The following GAS6 variants were observed in gnomAD, a reference collection of about 807,000 sequenced individuals.
GAS6 encodes the protein growth arrest-specific protein 6.
Under a neutral mutation model 75.8 loss-of-function variants are expected in GAS6, and 41 were observed. The observed-to-expected ratio is 0.54, with a 90% CI of 0.42 to 0.70. GAS6 has a LOEUF of 0.70. GAS6 is among the 30% of genes least tolerant of loss of function. The pLI, the probability that GAS6 is intolerant of heterozygous loss-of-function variation, is 0.00. For missense variants in GAS6, 854 were observed against 940.2 expected (o/e 0.91, Z 1.20); for synonymous variants, 432 against 412.6 (o/e 1.05, Z -0.57).
chr13:113,863,210 C>A lies in GAS6; in HGVS notation c.255+365G>T, dbSNP rs2051986956. 6.6e-6 allele frequency among the ~76,000 whole-genome samples: 1 copy of A among 152,192 alleles called. No homozygotes were observed. Among genetic ancestry groups the A allele is most frequent in the South Asian group, 2.1e-4 (1 of 4,828 alleles). Reference sequence around the variant, plus strand: ...CTGCTCTCCACCCCTCTCAGGAGGACGAGGCGCGGCCCGGGGGTTCCTCAC... The same window carrying A: ...CTGCTCTCCACCCCTCTCAGGAGGAAGAGGCGCGGCCCGGGGGTTCCTCAC... On this transcript the variant is annotated intron_variant, in intron 2 of 14. Transcript: ENST00000327773. This position sits in a 1 kb window ranked among gnomAD's most constrained non-coding sequence, Gnocchi z 9.4.
chr13:113,859,475 T>A (rs2051952540), intron 2 of GAS6, among the ~76,000 whole-genome samples: 1 of 152,156 alleles, frequency 6.6e-6, no homozygotes, highest in South Asian at 2.1e-4. Flanking sequence ...TATGTGAATG[T>A]GTGCATGTAT....
At chr13:113,824,395 G>A (rs1182518084) in intron 12 of GAS6, among the ~76,000 whole-genome samples, 2 of 143,358 alleles carry the variant, frequency 1.4e-5, no homozygotes, top group African/African-American at 5.3e-5. Context: ...CGCGGTCTGG[G>A]GTCTGAGCTG....
rs1025297204 is a variant in GAS6 at position 113,858,927 on chromosome 13, A to G, written c.255+4648T>C. Among the ~76,000 whole-genome samples the G allele has an allele frequency of 1.8e-4, 26 of 144,522 alleles. 1 individual carries two copies. The highest frequency in any genetic ancestry group is 4.4e-4 in the South Asian group (2 of 4,512). The allele number at this position is 144,522 out of a possible 152,430, so 94.8% of individuals were successfully genotyped here. A position where few individuals can be genotyped will look rare whatever the true frequency, so the allele number is the denominator to read the frequency against. ...CATGTATGTGTACATGTCTGTTAGT[A>G]TGTGTGTGCGTGTCATGCATGTGTG... is the stretch of plus-strand genomic sequence containing the variant. On this transcript the variant is annotated intron_variant, in intron 2 of 14. Coordinates refer to ENST00000327773, the MANE Select transcript of GAS6 (RefSeq NM_000820.4).
intron 5 of GAS6, chr13:113,839,094 C>T: frequency 6.2e-6 from 1 of 161,058 alleles, no homozygotes; most frequent in Non-Finnish European, 1.4e-5. Flanking sequence ...GAGGAGGCTG[C>T]AGGCCAGGAG....
chr13:113,823,225 C>T (rs1375327647), intron 13 of GAS6, 150 bp downstream of exon 13: 16 of 848,138 alleles, frequency 1.9e-5, no homozygotes, highest in Admixed American at 3.3e-5. Context: ...GCGTGGCCCA[C>T]GCCGGGCTTG....
Position 113,820,826 on chromosome 13 carries a change from G to C in GAS6, c.*38C>G. 1 of 1,595,904 alleles carries C rather than the reference G, an allele frequency of 6.3e-7. No individual in the cohort carries two copies. Among genetic ancestry groups the C allele is most frequent in the Non-Finnish European group, 8.5e-7 (1 of 1,174,286 alleles). On this transcript the variant is annotated 3_prime_UTR_variant, in exon 15 of 15. Transcript: ENST00000327773. The stretch of plus-strand genomic sequence containing the variant: ...CCCCCAGGCTCCTCCCGGCTGTCTC[G>C]GACAGAGACTGAGAAGCCTGCCGCG...
intron 2 of GAS6, among the ~76,000 whole-genome samples, chr13:113,862,385 C>G (rs2051978822): frequency 6.6e-6 from 1 of 152,226 alleles, no homozygotes; most frequent in Non-Finnish European, 1.5e-5. Context: ...GCCACACGAC[C>G]AACCCCACAG....
rs199802250 is a variant in GAS6, at chr13:113,838,099, C to G, written c.559G>C (p.Glu187Gln). ...SFHCSCHSGFELSSDGRTCQD... is the reference protein window; with the variant it reads ...SFHCSCHSGFQLSSDGRTCQD... ...CAGGTCCTGCCATCAGAGGAGAGCT[C>G]GAAGCCGCTGTGGCAGGAACAGTGG... is the stretch of plus-strand genomic sequence containing the variant. Residue 187 changes from glutamate to glutamine, a missense_variant, in exon 6 of 15, where the codon GAG becomes CAG. Coordinates refer to ENST00000327773, the MANE Select transcript of GAS6 (RefSeq NM_000820.4). 6.2e-7 allele frequency: 1 copy of G among 1,612,844 alleles called. No individual in the cohort carries two copies. Among genetic ancestry groups the G allele is most frequent in the South Asian group, 1.1e-5 (1 of 91,088 alleles).
Position 113,839,836 on chromosome 13 carries a change from A to G in GAS6, c.358T>C (p.Cys120Arg). Residue 120 changes from cysteine to arginine, a missense_variant, in exon 5 of 15, where the codon TGC (cysteine) becomes CGC (arginine). By Grantham distance (180) the Cys-to-Arg change is radical. Coordinates refer to ENST00000327773, the MANE Select transcript of GAS6 (RefSeq NM_000820.4). ...ATCVQNLPDQCTPNPCDRKGT... is the reference protein window; with the variant it reads ...ATCVQNLPDQRTPNPCDRKGT... The stretch of plus-strand genomic sequence containing the variant: ...TTCCTATCGCAGGGGTTGGGCGTGC[A>G]CTGGTCAGGCAGGTCTGATTGGGGA... 5.0e-6 allele frequency: 8 copies of G among 1,613,902 alleles called. No homozygotes were observed. The highest frequency in any genetic ancestry group is 6.8e-6 in the Non-Finnish European group (8 of 1,179,990).
In GAS6 at chr13:113,830,862, C is replaced by T. The variant is rs116416542; in HGVS notation, c.1143+1437G>A. ...CCACCTGCCCTGGGGCCCTCCTCCC[C>T]GGGGCTCCATCCCTGAAACTGCTTC... On this transcript the variant is annotated intron_variant, in intron 10 of 14. Transcript: ENST00000327773. Among the ~76,000 whole-genome samples the T allele has an allele frequency of 1.2e-3, 179 of 151,944 alleles. 3 individuals carry two copies. Among genetic ancestry groups the T allele is most frequent in the African/African-American group, 1.7e-3 (70 of 41,170 alleles).
At position 113,821,986 on chromosome 13, in the gene GAS6, G is replaced by A. The variant is rs1371436286; in HGVS notation, c.1854C>T (p.Pro618=). The part of the protein sequence containing the change: ...LAVLERHLRS[P]VLTFAGGLPD... ...GCAGGCCGCCAGCAAAGGTGAGCAC[G>A]GGGCTCCGCAGGTGCCTCTCGAGCA... is the stretch of plus-strand genomic sequence containing the variant. Residue 618 remains proline (P), a synonymous_variant, in exon 14 of 15, where the codon CCC becomes CCT. Coordinates refer to ENST00000327773, the MANE Select transcript of GAS6 (RefSeq NM_000820.4). 18 of 1,545,168 alleles carry A rather than the reference G, an allele frequency of 1.2e-5. No individual in the cohort carries two copies. Among genetic ancestry groups the A allele is most frequent in the Middle Eastern group, 2.0e-4 (1 of 5,024 alleles).
chr13:113,825,799 G>C (rs564439330), intron 12 of GAS6, among the ~76,000 whole-genome samples: 200 of 149,136 alleles, frequency 1.3e-3, no homozygotes, highest in African/African-American at 3.9e-3. Flanking sequence ...TTCCTGACAC[G>C]GTCACGCTTT....
In GAS6 at chr13:113,837,093, G is replaced by A. The variant is rs1462233790; in HGVS notation, c.589+976C>T. ...AGTCTTCACCTCTCTTTAAACCTGG[G>A]GTGCTGCTGTCTTCCAGGTCAGGGA... On this transcript the variant is annotated intron_variant, in intron 6 of 14. Transcript: ENST00000327773. This position sits in a 1 kb window ranked among gnomAD's most constrained non-coding sequence, Gnocchi z 5.1. Among the ~76,000 whole-genome samples the A allele has an allele frequency of 2.0e-5, 3 of 151,856 alleles. No homozygotes were observed. Among genetic ancestry groups the A allele is most frequent in the Non-Finnish European group, 4.4e-5 (3 of 67,946 alleles).
intron 2 of GAS6, among the ~76,000 whole-genome samples, chr13:113,853,238 G>A (rs1242550242): frequency 2.6e-5 from 4 of 152,210 alleles, no homozygotes; most frequent in African/African-American, 9.6e-5. Context: ...GAAGGTTCCA[G>A]AACATTTCCT....
chr13:113,856,767 CCT>C (rs1394722597), intron 2 of GAS6, among the ~76,000 whole-genome samples: 4 of 151,484 alleles, frequency 2.6e-5, no homozygotes, highest in African/African-American at 9.6e-5. Flanking sequence ...ACTGCGCCTC[CCT>C]GAGAGCTCCC....
At position 113,835,498 on chromosome 13, in the gene GAS6, G is replaced by A. The variant is rs755884389; in HGVS notation, c.712+15C>T. 27 of 1,611,380 alleles carry A rather than the reference G, an allele frequency of 1.7e-5. No homozygotes were observed. Among genetic ancestry groups the A allele is most frequent in the Middle Eastern group, 1.7e-4 (1 of 6,038 alleles). On this transcript the variant is annotated intron_variant, in intron 7 of 14. Coordinates refer to ENST00000327773, the MANE Select transcript of GAS6 (RefSeq NM_000820.4). ...GGCGTCAGAGAAAGCGAGGGTGACC[G>A]CGTGGCGTGGGTACCTCGGCAAGCC...
At chr13:113,827,485 A>G (rs1566355820) in intron 11 of GAS6, among the ~76,000 whole-genome samples, 1 of 152,262 alleles carries the variant, frequency 6.6e-6, no homozygotes, top group Non-Finnish European at 1.5e-5. Flanking sequence ...GAATTATTCA[A>G]TATTCAATAT....
intron 12 of GAS6, among the ~76,000 whole-genome samples, chr13:113,824,651 T>C (rs2051511062): frequency 6.6e-6 from 1 of 152,192 alleles, no homozygotes; most frequent in Admixed American, 6.5e-5. Flanking sequence ...CGCCTCGCAC[T>C]GCAGGCCAAG....
chr13:113,841,809 ACAGTTTCCTCCATACG>A (rs2051784214), intron 4 of GAS6: 1 of 36,728 alleles, frequency 2.7e-5, no homozygotes, highest in East Asian at 8.2e-4. Context: ...CATACGCCCC[ACAGTTTCCTCCATACG>A]CCCCACAGTT....
Sources: allele counts gnomAD v4.1 joint callset (sites outside exome capture counted in the v4.1 genomes callset), GRCh38; gene constraint gnomAD v4.1.1; non-coding constraint Gnocchi (gnomAD v3.1); transcripts MANE v1.5; gene names NCBI Gene and HGNC (gene_info 2026-07-23, HGNC 2026-07-21).